The following CFAP57 variants were observed in gnomAD, a reference collection of about 807,000 sequenced individuals.
The protein encoded by CFAP57 is cilia and flagella associated protein 57.
CFAP57 carries 116 observed loss-of-function variants against 146.8 expected under a neutral mutation model. That is an observed-to-expected ratio of 0.79 (90% CI 0.68 to 0.92). The LOEUF is 0.92. CFAP57 is among the 40% of genes least tolerant of loss of function. CFAP57 has a pLI of 0.00. For missense variants in CFAP57, 1,377 were observed against 1,527.2 expected, an observed-to-expected ratio of 0.90 and a Z score of 1.64; for synonymous variants, 518 against 552.8, an observed-to-expected ratio of 0.94 and a Z score of 0.88.
chr1:43,246,875 T>C (rs1483072171), intron 22 of CFAP57, among the ~76,000 whole-genome samples: 3 of 152,230 alleles, frequency 2.0e-5, no homozygotes, highest in African/African-American at 7.2e-5. Context: ...TATTACTACT[T>C]AATCCAAGTG....
At chr1:43,232,479 T>C (rs1645511846) in intron 18 of CFAP57, 29 bp from the exon 19 acceptor site, 16 of 1,530,878 alleles carry the variant, frequency 1.0e-5, no homozygotes, top group Non-Finnish European at 1.4e-5. Flanking sequence ...ACTTTCTTCT[T>C]CTTGACTCTT....
chr1:43,191,232 G>A (rs1036906019), intron 6 of CFAP57, among the ~76,000 whole-genome samples: 1 of 152,072 alleles, frequency 6.6e-6, no homozygotes, highest in Non-Finnish European at 1.5e-5. Flanking sequence ...TAATATAGTG[G>A]CATGCAATTG....
At chr1:43,246,063 G>A (rs1034290955) in intron 22 of CFAP57, among the ~76,000 whole-genome samples, 1 of 152,184 alleles carries the variant, frequency 6.6e-6, no homozygotes, top group African/African-American at 2.4e-5. Context: ...CCAGTAAGTG[G>A]TGGATTGGAA....
chr1:43,253,389 G>A (rs1379853310), intron 22 of CFAP57, among the ~76,000 whole-genome samples: 1 of 152,226 alleles, frequency 6.6e-6, no homozygotes, highest in Non-Finnish European at 1.5e-5. Flanking sequence ...TGCTGGCATG[G>A]CGTGGAGGCC....
At chr1:43,235,696 G>A (rs948245519) in intron 21 of CFAP57, among the ~76,000 whole-genome samples, 1 of 152,182 alleles carries the variant, frequency 6.6e-6, no homozygotes, top group African/African-American at 2.4e-5. Flanking sequence ...CCTCCAGCTG[G>A]TGGAGCCCTG....
chr1:43,197,423 A>G (rs918491546), intron 6 of CFAP57, 130 bp from the exon 7 acceptor site: 1 of 1,067,450 alleles, frequency 9.4e-7, no homozygotes, highest in African/African-American at 1.6e-5. Context: ...CATAATATTC[A>G]AACAGTTTAG....
At chr1:43,215,231 G>T in intron 11 of CFAP57, 24 bp from the exon 12 acceptor site, 2 of 1,550,818 alleles carry the variant, frequency 1.3e-6, no homozygotes, top group Non-Finnish European at 1.7e-6. Flanking sequence ...AAAGCTTCCT[G>T]GCCATGACCC....
In CFAP57 at chr1:43,222,272, G is replaced by GA. The variant is rs1222521575; in HGVS notation, c.2510dup (p.Lys838GlufsTer20). The GA allele has an allele frequency of 6.8e-7, 1 of 1,461,142 alleles. No individual in the cohort carries two copies. 90.5% of individuals were successfully genotyped at this position (1,461,142 alleles called of 1,614,324 possible). On this transcript the variant is annotated frameshift_variant, in exon 15 of 23. Transcript: ENST00000372492. LOFTEE classifies it high-confidence loss of function. ...TGAGTTTTACGAGGCAAAACTGCAGGAGAAAACCACCCTTCTGGAAGAGGT... is the reference window on the plus strand; with the variant it reads ...TGAGTTTTACGAGGCAAAACTGCAGGAAGAAAACCACCCTTCTGGAAGAGGT...
chr1:43,232,298 T>C (rs1645503804), intron 18 of CFAP57: 1 of 592,282 alleles, frequency 1.7e-6, no homozygotes, highest in Admixed American at 2.9e-5. Flanking sequence ...TGGAAACACG[T>C]GATGCTGGTT....
intron 9 of CFAP57, among the ~76,000 whole-genome samples, chr1:43,200,487 G>GAAAAA (rs527330489): frequency 2.3e-5 from 3 of 129,398 alleles, no homozygotes; most frequent in Admixed American, 7.7e-5. Flanking sequence ...GACCCTGTCT[G>GAAAAA]AAAAAAAAAA....
chr1:43,217,766 T>A (rs1644890839), intron 12 of CFAP57, among the ~76,000 whole-genome samples: 1 of 152,138 alleles, frequency 6.6e-6, no homozygotes, highest in African/African-American at 2.4e-5. Context: ...TTCCTTAATC[T>A]AGTCCGTGCT....
intron 22 of CFAP57, 45 bp from the exon 23 acceptor site, chr1:43,253,932 G>A: frequency 6.6e-7 from 1 of 1,511,928 alleles, no homozygotes; most frequent in Non-Finnish European, 9.0e-7. Context: ...CGGCTCTGCA[G>A]CAGTGCAATG....
In CFAP57 at chr1:43,209,721, AGCAGAGCT is replaced by A. The variant is rs1644513156; in HGVS notation, c.1756-19_1756-12del. 1 of 1,610,630 alleles carries A rather than the reference AGCAGAGCT, an allele frequency of 6.2e-7. No individual in the cohort carries two copies. The highest frequency in any genetic ancestry group is 1.3e-5 in the African/African-American group (1 of 74,882). On this transcript the variant is annotated splice_polypyrimidine_tract_variant and intron_variant, in intron 10 of 22. Transcript: ENST00000372492. ...GGCCACAGCTCGACCCCTCACACTG[AGCAGAGCT>A]GCCTGTGTCTCAGATCCTTCGAGAG...
At chr1:43,215,170 G>GC (rs200649895) in intron 11 of CFAP57, 85 bp from the exon 12 acceptor site, 43 of 1,498,974 alleles carry the variant, frequency 2.9e-5, no homozygotes, top group Non-Finnish European at 3.8e-5. Context: ...GGATTGCATG[G>GC]GGGGAAGCCT....
chr1:43,182,772 C>T (rs1645467464), intron 3 of CFAP57, among the ~76,000 whole-genome samples: 1 of 152,180 alleles, frequency 6.6e-6, no homozygotes, highest in African/African-American at 2.4e-5. Flanking sequence ...TTATTGGATG[C>T]CCATGATGAA....
rs540085997 is a variant in CFAP57 at position 43,190,312 on chromosome 1, C to A, written c.1122+3453C>A. On this transcript the variant is annotated intron_variant, in intron 6 of 22. Coordinates refer to ENST00000372492, the MANE Select transcript of CFAP57 (RefSeq NM_001378189.1). ...TTGAGACGGAGTCTCGCTCTGTCAC[C>A]CAGGCTGGAGGGCAGTGGCGCAATC... Among the ~76,000 whole-genome samples, 68 of 144,080 alleles carry A rather than the reference C, an allele frequency of 4.7e-4. 1 individual carries two copies. The highest frequency in any genetic ancestry group is 1.7e-3 in the African/African-American group (63 of 38,102). 94.5% of individuals were successfully genotyped at this position (144,080 alleles called of 152,430 possible).
chr1:43,234,153 C>A, intron 19 of CFAP57, 126 bp from the exon 20 acceptor site: 1 of 1,113,912 alleles, frequency 9.0e-7, no homozygotes, highest in Non-Finnish European at 1.2e-6. Flanking sequence ...TGGCCCCTGG[C>A]AGTCAGCTGT....
chr1:43,208,462 C>T (rs1289654708), intron 10 of CFAP57, among the ~76,000 whole-genome samples: 2 of 152,116 alleles, frequency 1.3e-5, no homozygotes, highest in East Asian at 3.9e-4. Context: ...TACTATGCAG[C>T]CATAAAAAAG....
At position 43,224,270 on chromosome 1, in the gene CFAP57, C is replaced by T. The variant is rs145999970; in HGVS notation, c.2865+66C>T. On this transcript the variant is annotated intron_variant, in intron 17 of 22. Transcript: ENST00000372492. ...GGGCCAAGGCGAGGAAGGCAAAGCT[C>T]AGGGGAGAGAGGGTCCCTAGCTTCT... is the stretch of plus-strand genomic sequence containing the variant. 2.0e-3 allele frequency: 2,836 copies of T among 1,450,392 alleles called. 11 individuals are homozygous for T. The highest frequency in any genetic ancestry group is 2.4e-3 in the Non-Finnish European group (2,588 of 1,101,048). The allele number at this position is 1,450,392 out of a possible 1,614,324, so 89.8% of individuals were successfully genotyped here. A position where few individuals can be genotyped will look rare whatever the true frequency, so the allele number is the denominator to read the frequency against.
Sources: gnomAD v4.1 joint callset for allele counts (sites outside exome capture counted in the v4.1 genomes callset) on GRCh38, gnomAD v4.1.1 for gene constraint, MANE v1.5 for transcripts, NCBI Gene and HGNC (gene_info 2026-07-23, HGNC 2026-07-21) for gene names.